INSR: variants seen among roughly 807,000 people sequenced by gnomAD.
The protein encoded by INSR is insulin receptor.
A neutral mutation model predicts 142.6 loss-of-function variants in INSR; 67 were observed. The ratio of observed to expected loss-of-function variants is 0.47; its 90% CI spans 0.39 to 0.58. The LOEUF is 0.58. Ranked by LOEUF, INSR falls within the 20% of genes least tolerant of loss-of-function variation. The pLI, the probability that INSR is intolerant of heterozygous loss-of-function variation, is 0.00. For synonymous variants in INSR, 756 were observed against 743.1 expected (o/e 1.02, Z -0.28); for missense variants, 1,248 against 1,833.2 (o/e 0.68, Z 5.83).
In INSR at chr19:7,166,332, A is replaced by G. The variant is rs1433387332; in HGVS notation, c.1683T>C (p.Ile561=). Reference sequence around the variant, plus strand: ...GGTCGTTGGACCTCAGGGGTGGGTCAATGTCTACCACCGTCCAACTGTTGG... The same window carrying G: ...GGTCGTTGGACCTCAGGGGTGGGTCGATGTCTACCACCGTCCAACTGTTGG... ...CGSNSWTVVD[I]DPPLRSNDPK... is the part of the protein sequence containing the mutation. Residue 561 remains isoleucine, a synonymous_variant, in exon 8 of 22, where the codon ATT becomes ATC. Coordinates refer to ENST00000302850, the MANE Select transcript of INSR (RefSeq NM_000208.4). The surrounding 1 kb of genome is among the most constrained non-coding windows in gnomAD (Gnocchi z 4.1). 5 of 1,614,000 alleles carry G rather than the reference A, an allele frequency of 3.1e-6. No homozygotes were observed. Among genetic ancestry groups the G allele is most frequent in the Non-Finnish European group, 4.2e-6 (5 of 1,180,030 alleles).
rs149795690 is a variant in INSR at position 7,166,350 on chromosome 19, A to G, written c.1665T>C (p.Ser555=). The part of the protein sequence containing the change: ...FDGQDACGSN[S]WTVVDIDPPL... ...GTGGGTCAATGTCTACCACCGTCCA[A>G]CTGTTGGAACCACACGCATCCTGCC... The change falls in exon 8 of 22, where the codon AGT becomes AGC. Residue 555 remains serine, a synonymous_variant. Coordinates refer to ENST00000302850, the MANE Select transcript of INSR (RefSeq NM_000208.4). This position sits in a 1 kb window ranked among gnomAD's most constrained non-coding sequence, Gnocchi z 4.1. 85 of 1,614,082 alleles carry G rather than the reference A, an allele frequency of 5.3e-5. No individual in the cohort carries two copies. Among genetic ancestry groups the G allele is most frequent in the African/African-American group, 2.9e-4 (22 of 75,034 alleles).
chr19:7,224,293 A>G (rs1158213181), intron 2 of INSR, among the ~76,000 whole-genome samples: 2 of 146,682 alleles, frequency 1.4e-5, no homozygotes, highest in East Asian at 4.0e-4. Context: ...TGCTCAAACC[A>G]GCTCATGCAA....
At chr19:7,242,458 G>A (rs1025146335) in intron 2 of INSR, among the ~76,000 whole-genome samples, 4 of 151,660 alleles carry the variant, frequency 2.6e-5, no homozygotes, top group East Asian at 1.9e-4. Context: ...AAGTTCAGCC[G>A]GGTGTGGTGG....
At chr19:7,218,664 C>T (rs1245175273) in intron 2 of INSR, among the ~76,000 whole-genome samples, 1 of 152,052 alleles carries the variant, frequency 6.6e-6, no homozygotes, top group African/African-American at 2.4e-5. Context: ...CCTCAGCCAC[C>T]CAAGTCCCTG....
At chr19:7,274,490 C>T (rs747373610) in intron 1 of INSR, among the ~76,000 whole-genome samples, 8 of 151,576 alleles carry the variant, frequency 5.3e-5, no homozygotes, top group Non-Finnish European at 1.0e-4. Flanking sequence ...AACGGAGGCT[C>T]ATTTTTCTTT....
At chr19:7,128,426 C>A (rs569904255) in intron 15 of INSR, among the ~76,000 whole-genome samples, 2 of 152,068 alleles carry the variant, frequency 1.3e-5, no homozygotes, top group Non-Finnish European at 2.9e-5. Flanking sequence ...GTTGGCCAGG[C>A]TGGTCTCAAA....
At chr19:7,245,596 G>A (rs999081177) in intron 2 of INSR, among the ~76,000 whole-genome samples, 2 of 151,888 alleles carry the variant, frequency 1.3e-5, no homozygotes, top group East Asian at 2.0e-4. Flanking sequence ...CTACAGGCAT[G>A]TGCCACCATG....
At chr19:7,236,615 G>A (rs10221473) in intron 2 of INSR, among the ~76,000 whole-genome samples, 77,143 of 152,032 alleles carry the variant, frequency 0.51, 20,810 homozygotes, top group African/African-American at 0.69. Flanking sequence ...TAATCCCAGC[G>A]CTTTATAAAT....
intron 2 of INSR, among the ~76,000 whole-genome samples, chr19:7,198,328 G>C (rs1184408536): frequency 6.6e-6 from 1 of 152,010 alleles, no homozygotes; most frequent in Non-Finnish European, 1.5e-5. Flanking sequence ...CCGCCGGGCG[G>C]TCCCGGCCAG....
At chr19:7,211,936 G>A (rs35319747) in intron 2 of INSR, among the ~76,000 whole-genome samples, 9,270 of 152,194 alleles carry the variant, frequency 0.061, 367 homozygotes, top group Non-Finnish European at 0.085. Flanking sequence ...TGCCGGGGCC[G>A]TTTCCCAAGT....
intron 8 of INSR, among the ~76,000 whole-genome samples, chr19:7,163,625 C>A (rs551862328): frequency 4.6e-5 from 7 of 151,242 alleles, no homozygotes; most frequent in Non-Finnish European, 4.4e-5. Flanking sequence ...ACCCAAAAAA[C>A]CCAAAGTAAC....
In INSR at chr19:7,166,377, G is replaced by A. The variant is rs2229429; in HGVS notation, c.1638C>T (p.Asp546=). The part of the protein sequence containing the change: ...EAPYQNVTEF[D]GQDACGSNSW... ...TGTTGGAACCACACGCATCCTGCCC[G>A]TCGAACTCCGTCACATTCTGATAAG... Residue 546 remains aspartate, a synonymous_variant, in exon 8 of 22, where the codon GAC becomes GAT. Coordinates refer to ENST00000302850, the MANE Select transcript of INSR (RefSeq NM_000208.4). This position sits in a 1 kb window ranked among gnomAD's most constrained non-coding sequence, Gnocchi z 4.1. 329,483 of 1,613,476 alleles carry A rather than the reference G, an allele frequency of 0.2. 37,173 individuals are homozygous for A. The highest frequency in any genetic ancestry group is 0.44 in the African/African-American group (32,726 of 74,886).
chr19:7,157,415 G>A (rs1011839727), intron 9 of INSR, among the ~76,000 whole-genome samples: 7 of 122,082 alleles, frequency 5.7e-5, no homozygotes, highest in African/African-American at 9.3e-5. Context: ...GCGCCCAGCC[G>A]ATTTTTGTAT....
intron 3 of INSR, among the ~76,000 whole-genome samples, chr19:7,179,257 CCAAA>C (rs1358247171): frequency 3.9e-5 from 6 of 152,264 alleles, no homozygotes; most frequent in East Asian, 1.9e-4. Context: ...ATTATGAAAC[CCAAA>C]CAGTTTGTGG....
At chr19:7,289,650 C>A (rs750748278) in intron 1 of INSR, among the ~76,000 whole-genome samples, 5 of 152,100 alleles carry the variant, frequency 3.3e-5, no homozygotes, top group Non-Finnish European at 5.9e-5. Flanking sequence ...AGGGGATCCG[C>A]CCACCTCAGC....
intron 7 of INSR, among the ~76,000 whole-genome samples, chr19:7,167,672 G>A (rs1203642004): frequency 6.6e-6 from 1 of 152,086 alleles, no homozygotes; most frequent in Non-Finnish European, 1.5e-5. Context: ...TACTAAGGAT[G>A]TCTGATGAGA....
At chr19:7,278,737 T>G (rs1236938928) in intron 1 of INSR, among the ~76,000 whole-genome samples, 1 of 152,150 alleles carries the variant, frequency 6.6e-6, no homozygotes, top group African/African-American at 2.4e-5. Context: ...CGTGTGCCTG[T>G]AATCCCAGCA....
chr19:7,243,935 A>G (rs1976446544), intron 2 of INSR, among the ~76,000 whole-genome samples: 1 of 152,242 alleles, frequency 6.6e-6, no homozygotes, highest in South Asian at 2.1e-4. Context: ...AGCCCTGGTC[A>G]ATAGAATAAG....
intron 2 of INSR, 50 bp from the exon 3 acceptor site, chr19:7,184,687 TAAATA>T: frequency 9.0e-7 from 1 of 1,115,386 alleles, no homozygotes. Flanking sequence ...AATAAATAAA[TAAATA>T]AATAAATAAA....
Sources: gnomAD v4.1 joint callset for allele counts (sites outside exome capture counted in the v4.1 genomes callset) on GRCh38, gnomAD v4.1.1 for gene constraint, Gnocchi (gnomAD v3.1) non-coding constraint, MANE v1.5 for transcripts, NCBI Gene and HGNC (gene_info 2026-07-23, HGNC 2026-07-21) for gene names.